LTBP1: variants seen among roughly 807,000 people sequenced by gnomAD.
LTBP1 encodes latent transforming growth factor beta binding protein 1.
Under a neutral mutation model 207.6 loss-of-function variants are expected in LTBP1, and 129 were observed. The observed-to-expected ratio is 0.62, with a 90% CI of 0.54 to 0.72. LTBP1 has a LOEUF of 0.72. Among genes scored for constraint, LTBP1 ranks in the 30% least tolerant of loss-of-function variants. The pLI, the probability that LTBP1 is intolerant of heterozygous loss-of-function variation, is 0.00. For missense variants in LTBP1, 2,281 were observed against 2,217.2 expected (o/e 1.03, Z -0.58); for synonymous variants, 963 against 833.7 (o/e 1.16, Z -2.67).
intron 24 of LTBP1, among the ~76,000 whole-genome samples, chr2:33,316,346 C>T (rs528699078): frequency 6.6e-6 from 1 of 152,170 alleles, no homozygotes; most frequent in East Asian, 1.9e-4. Context: ...AGATTCTTTG[C>T]TCTAAAAAAT....
rs575478879 is a variant in LTBP1, at chr2:33,279,971, A to G, written c.2993-68A>G. 49 of 1,577,846 alleles carry G rather than the reference A, an allele frequency of 3.1e-5. No homozygotes were observed. The African/African-American group carries it at 6.5e-4, about 21-fold the overall frequency. On this transcript the variant is annotated intron_variant, in intron 18 of 33. Coordinates refer to ENST00000404816, the MANE Select transcript of LTBP1 (RefSeq NM_206943.4). ...TAACATGCTTTCCCCCGCTGCCTTC[A>G]TCACAAAGTAAGATTTTGCTTTGGT...
chr2:33,360,983 A>T (rs1344714826), intron 27 of LTBP1, among the ~76,000 whole-genome samples: 1 of 152,228 alleles, frequency 6.6e-6, no homozygotes, highest in African/African-American at 2.4e-5. Context: ...TTTGACAGTC[A>T]GGTTCTTTGT....
At chr2:33,007,583 G>A (rs544956130) in intron 2 of LTBP1, among the ~76,000 whole-genome samples, 1 of 152,332 alleles carries the variant, frequency 6.6e-6, no homozygotes, top group African/African-American at 2.4e-5. Context: ...TTAAATGTGA[G>A]AAAGAAAGAA....
chr2:33,368,308 G>A (rs1035523607), intron 31 of LTBP1, among the ~76,000 whole-genome samples: 1 of 152,142 alleles, frequency 6.6e-6, no homozygotes, highest in Non-Finnish European at 1.5e-5. Context: ...ACTACCCGGC[G>A]ATCCCACTAA....
intron 3 of LTBP1, among the ~76,000 whole-genome samples, chr2:33,060,697 C>T (rs369220147): frequency 2.7e-5 from 4 of 150,066 alleles, no homozygotes; most frequent in East Asian, 3.9e-4. Flanking sequence ...ATGCATTTGT[C>T]ATGGCTAACT....
At chr2:33,247,058 C>T (rs868052540) in intron 10 of LTBP1, among the ~76,000 whole-genome samples, 2 of 152,188 alleles carry the variant, frequency 1.3e-5, no homozygotes, top group Non-Finnish European at 2.9e-5. Flanking sequence ...AGGATGAGTG[C>T]TGCTGAGAAT....
intron 32 of LTBP1, among the ~76,000 whole-genome samples, chr2:33,391,821 CAT>C (rs1476494543): frequency 6.6e-6 from 1 of 152,076 alleles, no homozygotes; most frequent in Non-Finnish European, 1.5e-5. Context: ...ATTAACTACA[CAT>C]GTTAAGAAAT....
chr2:33,232,944 C>A (rs899882900), intron 9 of LTBP1, among the ~76,000 whole-genome samples: 1 of 152,128 alleles, frequency 6.6e-6, no homozygotes, highest in Non-Finnish European at 1.5e-5. Flanking sequence ...TGTGTTTTGA[C>A]ACCTCTTCCT....
At chr2:33,398,252 G>T in intron 33 of LTBP1, 112 bp from the exon 34 acceptor site, 1 of 912,666 alleles carries the variant, frequency 1.1e-6, no homozygotes, top group Non-Finnish European at 1.7e-6. Context: ...AAGCAATGAC[G>T]AGAAAGCTTC....
intron 9 of LTBP1, among the ~76,000 whole-genome samples, chr2:33,225,522 G>A (rs551999258): frequency 6.6e-6 from 1 of 152,238 alleles, no homozygotes; most frequent in Admixed American, 6.5e-5. Context: ...TTGTGCAGGG[G>A]AACACCTATA....
intron 3 of LTBP1, among the ~76,000 whole-genome samples, chr2:33,074,582 A>G (rs1449130497): frequency 6.6e-6 from 1 of 152,046 alleles, no homozygotes; most frequent in African/African-American, 2.4e-5. Context: ...AAAATACAAA[A>G]ATTAGGGCTG....
intron 3 of LTBP1, among the ~76,000 whole-genome samples, chr2:33,076,738 T>C (rs1449345929): frequency 1.3e-5 from 2 of 152,106 alleles, no homozygotes; most frequent in Non-Finnish European, 2.9e-5. Flanking sequence ...GGTTTCACCA[T>C]GTTGGCCAGG....
chr2:33,333,424 C>T (rs2094519653), intron 24 of LTBP1, among the ~76,000 whole-genome samples: 1 of 152,120 alleles, frequency 6.6e-6, no homozygotes, highest in African/African-American at 2.4e-5. Flanking sequence ...GTTATAATAG[C>T]TCAGGCCACA....
At chr2:33,009,934 A>G (rs1234400399) in intron 2 of LTBP1, among the ~76,000 whole-genome samples, 1 of 152,216 alleles carries the variant, frequency 6.6e-6, no homozygotes, top group African/African-American at 2.4e-5. Flanking sequence ...AAGGCCAGAC[A>G]TCTAAGTTCG....
At chr2:32,991,312 C>T (rs1048484925) in intron 2 of LTBP1, among the ~76,000 whole-genome samples, 2 of 152,190 alleles carry the variant, frequency 1.3e-5, no homozygotes, top group Non-Finnish European at 2.9e-5. Flanking sequence ...GCTCATTACA[C>T]ACTATTGTTC....
chr2:32,989,700 T>G (rs1684114896), intron 2 of LTBP1, among the ~76,000 whole-genome samples: 1 of 152,174 alleles, frequency 6.6e-6, no homozygotes, highest in African/African-American at 2.4e-5. Flanking sequence ...ATTGTAGACA[T>G]GCCATCATCA....
At chr2:33,372,020 A>G (rs1215331786) in intron 31 of LTBP1, among the ~76,000 whole-genome samples, 2 of 152,174 alleles carry the variant, frequency 1.3e-5, no homozygotes. Context: ...TCGATCGTAT[A>G]TATAAGGTTG....
intron 31 of LTBP1, among the ~76,000 whole-genome samples, chr2:33,378,713 C>T (rs892867431): frequency 1.7e-4 from 26 of 152,162 alleles, no homozygotes; most frequent in African/African-American, 5.8e-4. Context: ...GTTTGAATTT[C>T]TTTTGACCTC....
At position 32,977,509 on chromosome 2, in the gene LTBP1, T is replaced by C. The variant is rs919878730; in HGVS notation, c.565+28564T>C. Among the ~76,000 whole-genome samples, 13 of 152,146 alleles carry C rather than the reference T, an allele frequency of 8.5e-5. No homozygotes were observed. The East Asian group carries it at 2.5e-3, about 29-fold the overall frequency. ...ACCCTGACTGTGGCCTCTACTGGGG[T>C]TATGTCACTGGTGCCAGTTTTTTCT... On this transcript the variant is annotated intron_variant, in intron 2 of 33. Coordinates refer to ENST00000404816, the MANE Select transcript of LTBP1 (RefSeq NM_206943.4).
Sources: gnomAD v4.1 joint callset for allele counts (sites outside exome capture counted in the v4.1 genomes callset) on GRCh38, gnomAD v4.1.1 for gene constraint, MANE v1.5 for transcripts, NCBI Gene and HGNC (gene_info 2026-07-23, HGNC 2026-07-21) for gene names.